The following LRP1B variants were observed in gnomAD, a reference collection of about 807,000 sequenced individuals.
The protein encoded by LRP1B is low-density lipoprotein receptor-related protein 1B.
A neutral mutation model predicts 556.6 loss-of-function variants in LRP1B; 217 were observed. The ratio of observed to expected loss-of-function variants is 0.39; its 90% CI spans 0.35 to 0.44. LRP1B has a LOEUF of 0.44. LRP1B is among the 20% of genes least tolerant of loss of function. LRP1B has a pLI of 1.00. For synonymous variants in LRP1B, 2,047 were observed against 1,865.8 expected (o/e 1.10, Z -2.50); for missense variants, 5,053 against 5,620.8 (o/e 0.90, Z 3.23).
chr2:140,548,295 T>C (rs1260395241), intron 43 of LRP1B, among the ~76,000 whole-genome samples: 1 of 152,166 alleles, frequency 6.6e-6, no homozygotes, highest in Non-Finnish European at 1.5e-5. Context: ...TGTATCAAGC[T>C]TACATGCCAG....
chr2:140,639,746 T>A (rs527485870), intron 41 of LRP1B, among the ~76,000 whole-genome samples: 1 of 152,262 alleles, frequency 6.6e-6, no homozygotes, highest in East Asian at 1.9e-4. Flanking sequence ...CCAAATGTTA[T>A]CTAGAATAAA....
At chr2:141,544,351 TC>T (rs1236263334) in intron 2 of LRP1B, among the ~76,000 whole-genome samples, 688 of 96,026 alleles carry the variant, frequency 7.2e-3, no homozygotes, top group East Asian at 0.011. Context: ...TTCTTCTTCT[TC>T]TTCTTCTTCT....
intron 2 of LRP1B, among the ~76,000 whole-genome samples, chr2:141,587,637 A>G (rs540757089): frequency 6.6e-6 from 1 of 152,290 alleles, no homozygotes; most frequent in East Asian, 1.9e-4. Flanking sequence ...ATGCCTCCAC[A>G]TTCTTCTCCT....
chr2:140,999,220 T>C (rs894972855), intron 15 of LRP1B, among the ~76,000 whole-genome samples: 2 of 152,240 alleles, frequency 1.3e-5, no homozygotes, highest in South Asian at 2.1e-4. Flanking sequence ...GAAAGGAAGC[T>C]AGGCAAGTTG....
intron 43 of LRP1B, among the ~76,000 whole-genome samples, chr2:140,578,500 C>T (rs1001774697): frequency 4.6e-5 from 7 of 152,216 alleles, no homozygotes; most frequent in African/African-American, 7.2e-5. Context: ...TCAGCAGTTA[C>T]GATCCCTGCT....
chr2:140,564,387 A>G (rs1681049644), intron 43 of LRP1B, among the ~76,000 whole-genome samples: 1 of 152,124 alleles, frequency 6.6e-6, no homozygotes, highest in Admixed American at 6.5e-5. Flanking sequence ...CAGATTTTCT[A>G]TTAGAATTTA....
chr2:141,581,123 T>C (rs62166482), intron 2 of LRP1B, among the ~76,000 whole-genome samples: 3,314 of 152,286 alleles, frequency 0.022, 97 homozygotes, highest in East Asian at 0.13. Context: ...ATAAGGCTTT[T>C]TGTTTTCCAG....
chr2:141,068,187 G>A (rs1480565934), intron 7 of LRP1B, among the ~76,000 whole-genome samples: 2 of 151,968 alleles, frequency 1.3e-5, no homozygotes, highest in Non-Finnish European at 2.9e-5. Context: ...TTGAAGCGGT[G>A]TCCTTGTCTA....
intron 35 of LRP1B, among the ~76,000 whole-genome samples, chr2:140,727,580 T>C (rs1687638510): frequency 6.6e-6 from 1 of 152,156 alleles, no homozygotes; most frequent in Admixed American, 6.6e-5. Context: ...AGATAAGATG[T>C]GCAAGAATAA....
chr2:142,075,636 T>A (rs962937234), intron 1 of LRP1B, among the ~76,000 whole-genome samples: 1 of 152,110 alleles, frequency 6.6e-6, no homozygotes, highest in Non-Finnish European at 1.5e-5. Flanking sequence ...TTTAGAGATA[T>A]CTGACACAGA....
intron 1 of LRP1B, among the ~76,000 whole-genome samples, chr2:141,920,667 C>T (rs1418823881): frequency 6.6e-6 from 1 of 151,894 alleles, no homozygotes; most frequent in Non-Finnish European, 1.5e-5. Context: ...ATGTTTGTCC[C>T]TGTACTTTTT....
chr2:142,003,016 C>T (rs1004999679), intron 1 of LRP1B, among the ~76,000 whole-genome samples: 1 of 152,168 alleles, frequency 6.6e-6, no homozygotes, highest in Non-Finnish European at 1.5e-5. Context: ...AAGTGATAAA[C>T]GTTTTAGTTA....
chr2:140,911,532 G>A (rs1474799174), intron 21 of LRP1B, among the ~76,000 whole-genome samples: 1 of 151,688 alleles, frequency 6.6e-6, no homozygotes, highest in Non-Finnish European at 1.5e-5. Context: ...ATTATATGTT[G>A]AATTTACTCT....
chr2:142,058,703 G>C (rs1336140885), intron 1 of LRP1B, among the ~76,000 whole-genome samples: 1 of 151,920 alleles, frequency 6.6e-6, no homozygotes, highest in Non-Finnish European at 1.5e-5. Context: ...TCCAATGCTT[G>C]GCACATGCTT....
At chr2:141,293,871 A>G (rs1276733461) in intron 3 of LRP1B, among the ~76,000 whole-genome samples, 1 of 152,156 alleles carries the variant, frequency 6.6e-6, no homozygotes, top group African/African-American at 2.4e-5. Context: ...AAAAATTTCA[A>G]AACCAAGTAT....
chr2:140,778,860 T>A (rs1477591667), intron 32 of LRP1B, among the ~76,000 whole-genome samples: 1 of 152,050 alleles, frequency 6.6e-6, no homozygotes, highest in African/African-American at 2.4e-5. Context: ...ATTAAGACAT[T>A]CAGAAAATTT....
intron 2 of LRP1B, among the ~76,000 whole-genome samples, chr2:141,740,377 A>T (rs1693651664): frequency 6.6e-6 from 1 of 152,184 alleles, no homozygotes; most frequent in Non-Finnish European, 1.5e-5. Flanking sequence ...AAAATATGCT[A>T]ATCAAATGTG....
chr2:142,030,176 G>A (rs1703638585), intron 1 of LRP1B, among the ~76,000 whole-genome samples: 1 of 151,824 alleles, frequency 6.6e-6, no homozygotes, highest in Non-Finnish European at 1.5e-5. Context: ...GGCAGTGAAT[G>A]GCATGCATAA....
chr2:141,969,917 T>C (rs1333913817), intron 1 of LRP1B, among the ~76,000 whole-genome samples: 1 of 151,458 alleles, frequency 6.6e-6, no homozygotes, highest in African/African-American at 2.4e-5. Context: ...AAGGGCTCTT[T>C]TTTTTTCCAC....
Sources: allele counts gnomAD v4.1 joint callset (sites outside exome capture counted in the v4.1 genomes callset), GRCh38; gene constraint gnomAD v4.1.1; transcripts MANE v1.5; gene names NCBI Gene and HGNC (gene_info 2026-07-23, HGNC 2026-07-21).